ZC3H12B: variants seen among roughly 807,000 people sequenced by gnomAD.
The protein encoded by ZC3H12B is zinc finger CCCH-type containing 12B.
In ZC3H12B, 7 loss-of-function variants were observed where a neutral mutation model predicts 43.9. That is an observed-to-expected ratio of 0.16 (90% CI 0.09 to 0.30). The LOEUF is 0.30. Among genes scored for constraint, ZC3H12B ranks in the 10% least tolerant of loss-of-function variants. ZC3H12B has a pLI of 1.00. For missense variants in ZC3H12B, 475 were observed against 670.2 expected (o/e 0.71, Z 3.22); for synonymous variants, 222 against 241.7 (o/e 0.92, Z 0.76).
the ZC3H12B span, among the ~76,000 whole-genome samples, chrX:65,048,815 C>T: frequency 2.7e-5 from 3 of 110,679 alleles, no homozygotes; most frequent in Admixed American, 9.6e-5. Context: ...ACCTAATGTA[C>T]GACACTAGTT....
At chrX:65,226,426 T>C in the ZC3H12B span, among the ~76,000 whole-genome samples, 1 of 111,581 alleles carries the variant, frequency 9.0e-6, no homozygotes, top group Non-Finnish European at 1.9e-5. Flanking sequence ...CATGCCAAAT[T>C]GTAAAGACCG....
the ZC3H12B span, among the ~76,000 whole-genome samples, chrX:65,237,542 G>A: frequency 7.8e-5 from 8 of 101,994 alleles, no homozygotes; most frequent in Non-Finnish European, 1.1e-4. Context: ...TTTTCTAGTT[G>A]AATGCCTTTT....
the ZC3H12B span, among the ~76,000 whole-genome samples, chrX:65,100,566 C>CAAAAAAAAAAAAAAAAAAAA: frequency 4.4e-4 from 2 of 4,529 alleles, no homozygotes; most frequent in African/African-American, 1.7e-3. Context: ...AAAGATAAAG[C>CAAAAAAAAAAAAAAAAAAAA]AAAAAAAAAA....
At chrX:65,251,450 AG>A in the ZC3H12B span, among the ~76,000 whole-genome samples, 1 of 111,561 alleles carries the variant, frequency 9.0e-6, no homozygotes, top group Non-Finnish European at 1.9e-5. Flanking sequence ...TGAACTTTAT[AG>A]TAGTTTTTTT....
chrX:65,470,394 G>C (rs1299657527), intron 3 of ZC3H12B: 4 of 111,611 alleles, frequency 3.6e-5, no homozygotes, highest in Non-Finnish European at 7.5e-5. Flanking sequence ...GAAAGGGAGA[G>C]GAGATGGGGG....
the ZC3H12B span, among the ~76,000 whole-genome samples, chrX:65,132,626 TAAGG>T: frequency 1.8e-5 from 2 of 110,903 alleles, no homozygotes; most frequent in African/African-American, 3.3e-5. Flanking sequence ...CTCTACCTAA[TAAGG>T]GAGCTGGACA....
At chrX:65,151,616 C>A in the ZC3H12B span, among the ~76,000 whole-genome samples, 1 of 111,716 alleles carries the variant, frequency 9.0e-6, no homozygotes, top group Non-Finnish European at 1.9e-5. Context: ...AAAGGTATAA[C>A]TTTGTGGTTT....
the ZC3H12B span, among the ~76,000 whole-genome samples, chrX:65,149,783 AATAATAAT>A: frequency 4.0e-4 from 39 of 98,076 alleles, no homozygotes; most frequent in Non-Finnish European, 7.1e-4. Flanking sequence ...TAATAATAAT[AATAATAAT>A]AATAATAATA....
the ZC3H12B span, among the ~76,000 whole-genome samples, chrX:65,164,170 T>A: frequency 1.8e-5 from 2 of 110,310 alleles, 1 homozygote; most frequent in South Asian, 7.7e-4. Flanking sequence ...GAGGCTAGGG[T>A]TTTTCAAGGA....
the ZC3H12B span, among the ~76,000 whole-genome samples, chrX:65,219,970 A>C: frequency 1.8e-5 from 2 of 111,249 alleles, no homozygotes; most frequent in South Asian, 7.4e-4. Context: ...TGTCAGATAA[A>C]CTATACAGAA....
In ZC3H12B at chrX:65,442,278, G is replaced by A. The variant is rs1056010770; in HGVS notation, n.407+43574G>A. Among the ~76,000 whole-genome samples, 3 of 110,100 alleles carry A rather than the reference G, an allele frequency of 2.7e-5. No individual in the cohort carries two copies. In the Admixed American group the frequency reaches 3.0e-4, roughly 11 times the overall value. On this transcript the variant is annotated intron_variant and non_coding_transcript_variant, in intron 3 of 5. Transcript: ENST00000617377. ...GCAATCGGGATTAGCATTGTCGAAA[G>A]CTAATAACTGCAACACTATATTCTG... is the stretch of plus-strand genomic sequence containing the variant.
the ZC3H12B span, among the ~76,000 whole-genome samples, chrX:65,319,165 A>G: frequency 9.0e-6 from 1 of 111,101 alleles, no homozygotes; most frequent in African/African-American, 3.3e-5. Flanking sequence ...AGAATAAGTT[A>G]GACAAACTGC....
the ZC3H12B span, among the ~76,000 whole-genome samples, chrX:65,116,638 C>T: frequency 9.1e-6 from 1 of 110,004 alleles, no homozygotes; most frequent in African/African-American, 3.3e-5. Flanking sequence ...CATGTGTATA[C>T]ATGTGCCATG....
At chrX:65,207,737 G>T in the ZC3H12B span, among the ~76,000 whole-genome samples, 1 of 77,394 alleles carries the variant, frequency 1.3e-5, no homozygotes, top group Admixed American at 1.5e-4. Context: ...GCTTGATGGG[G>T]ATGGCATTGA....
chrX:65,243,040 G>A, the ZC3H12B span, among the ~76,000 whole-genome samples: 2 of 111,794 alleles, frequency 1.8e-5, no homozygotes, highest in African/African-American at 3.3e-5. Flanking sequence ...AAACACTGGG[G>A]CAATTCCCCA....
intron 2 of ZC3H12B, among the ~76,000 whole-genome samples, chrX:65,384,373 G>T (rs1352227805): frequency 5.4e-5 from 6 of 111,007 alleles, no homozygotes; most frequent in East Asian, 2.8e-4. Context: ...CTGTTGTGGG[G>T]TGTGGGGAGG....
chrX:65,490,379 GAAAA>G (rs1032989325), intron 1 of ZC3H12B, among the ~76,000 whole-genome samples: 2 of 54,994 alleles, frequency 3.6e-5, no homozygotes, highest in Admixed American at 2.3e-4. Context: ...ACTGTTTCAG[GAAAA>G]AAAAAAAAAA....
chrX:65,299,511 T>A, the ZC3H12B span, among the ~76,000 whole-genome samples: 9 of 112,270 alleles, frequency 8.0e-5, 1 homozygote, highest in East Asian at 2.5e-3. Flanking sequence ...ACAAAGGAAC[T>A]GGAAAGCCTG....
At chrX:65,471,543 C>A (rs2067913971) in intron 3 of ZC3H12B, among the ~76,000 whole-genome samples, 1 of 105,572 alleles carries the variant, frequency 9.5e-6, no homozygotes, top group African/African-American at 3.5e-5. Flanking sequence ...CTCTCCCTCC[C>A]AGGTTCAAGC....
Sources: gnomAD v4.1 joint callset for allele counts (sites outside exome capture counted in the v4.1 genomes callset) on GRCh38, gnomAD v4.1.1 for gene constraint, MANE v1.5 for transcripts, NCBI Gene and HGNC (gene_info 2026-07-23, HGNC 2026-07-21) for gene names.